Variants in ECE1 observed in about 807,000 individuals in gnomAD.
ECE1 encodes endothelin-converting enzyme 1.
A neutral mutation model predicts 98.6 loss-of-function variants in ECE1; 35 were observed. The observed-to-expected ratio is 0.35, with a 90% CI of 0.27 to 0.47. The LOEUF (loss-of-function observed/expected upper bound fraction) is 0.47. ECE1 is among the 20% of genes least tolerant of loss of function. The probability of loss-of-function intolerance (pLI) is 1.00; values close to 1 mark genes in which losing one functional copy is unlikely to be tolerated. For missense variants in ECE1, 814 were observed against 1,025.3 expected, an observed-to-expected ratio of 0.79 and a Z score of 2.81; for synonymous variants, 394 against 407.1, an observed-to-expected ratio of 0.97 and a Z score of 0.39.
At chr1:21,344,070 A>G (rs530261897) in intron 1 of ECE1, among the ~76,000 whole-genome samples, 1 of 152,254 alleles carries the variant, frequency 6.6e-6, no homozygotes, top group East Asian at 1.9e-4. Flanking sequence ...TCAGGTATAG[A>G]ACTAAGCCAT....
chr1:21,265,867 T>G (rs2098233228), intron 4 of ECE1, among the ~76,000 whole-genome samples: 1 of 152,198 alleles, frequency 6.6e-6, no homozygotes, highest in Admixed American at 6.5e-5. Flanking sequence ...GGACACATTT[T>G]GGAGACAGCA....
intron 7 of ECE1, 66 bp downstream of exon 7, chr1:21,257,459 G>A: frequency 1.9e-6 from 3 of 1,557,868 alleles, no homozygotes; most frequent in Non-Finnish European, 2.6e-6. Context: ...GCACAGGTGT[G>A]GGTGTGGACA....
intron 10 of ECE1, among the ~76,000 whole-genome samples, chr1:21,239,426 G>A (rs895904731): frequency 6.6e-6 from 1 of 152,194 alleles, no homozygotes; most frequent in South Asian, 2.1e-4. Context: ...AACCACCCAC[G>A]CTCAGGGCAG....
intron 8 of ECE1, 150 bp from the exon 9 acceptor site, chr1:21,247,513 C>T (rs965975894): frequency 5.0e-5 from 59 of 1,176,240 alleles, no homozygotes; most frequent in East Asian, 1.8e-4. Context: ...CGGAGCCTGG[C>T]GGGCTTTTGT....
chr1:21,227,197 A>T lies in ECE1; in HGVS notation c.1811T>A (p.Val604Asp). 1 of 1,614,140 alleles carries T rather than the reference A, an allele frequency of 6.2e-7. No homozygotes were observed. ...KALNFGGIGV[V>D]VGHELTHAFD... ...AGCATGAGTCAGCTCATGGCCCACG[A>T]CGACACCTATGCCACCAAAGTTTAA... The change falls in exon 16 of 19, where the codon GTC becomes GAC. Residue 604 changes from valine (V) to aspartate (D), a missense_variant. Val to Asp is a radical substitution (Grantham distance 152, BLOSUM62 -3). This residue lies in a region of ECE1 where 452 missense variants were observed against 567.3 expected (regional missense o/e 0.80). Coordinates refer to ENST00000374893, the MANE Select transcript of ECE1 (RefSeq NM_001397.3).
intron 16 of ECE1, among the ~76,000 whole-genome samples, chr1:21,226,036 G>A (rs985358491): frequency 6.6e-6 from 1 of 152,138 alleles, no homozygotes; most frequent in Admixed American, 6.6e-5. Flanking sequence ...CTGAGTAACA[G>A]ATGCCTAGGA....
rs186587260 is a variant in ECE1 at position 21,336,502 on chromosome 1, C to A, written c.3+8874G>T. Reference sequence around the variant, plus strand: ...CTGAGGTCAGGAGTTCGAGACCAGGCTGGCCAACATGGTGAAACCCCGTCT... The same window carrying A: ...CTGAGGTCAGGAGTTCGAGACCAGGATGGCCAACATGGTGAAACCCCGTCT... On this transcript the variant is annotated intron_variant, in intron 1 of 18. Transcript: ENST00000415912. 3.1e-3 allele frequency among the ~76,000 whole-genome samples: 475 copies of A among 152,292 alleles called. 3 individuals are homozygous for A. The highest frequency in any genetic ancestry group is 0.011 in the African/African-American group (458 of 41,562).
At chr1:21,335,125 C>T (rs1639280619) in intron 1 of ECE1, among the ~76,000 whole-genome samples, 1 of 152,254 alleles carries the variant, frequency 6.6e-6, no homozygotes, top group South Asian at 2.1e-4. Flanking sequence ...TCACCCCCTA[C>T]ATGTGCCAAA....
chr1:21,251,319 C>T (rs2098212546), intron 8 of ECE1, among the ~76,000 whole-genome samples: 1 of 152,088 alleles, frequency 6.6e-6, no homozygotes, highest in African/African-American at 2.4e-5. Flanking sequence ...TCAAGACCAG[C>T]CTGGCCAACA....
At position 21,322,913 on chromosome 1, in the gene ECE1, A is replaced by G. The variant is rs1368837456; in HGVS notation, c.3+22463T>C. Among the ~76,000 whole-genome samples the G allele has an allele frequency of 6.6e-6, 1 of 152,152 alleles. No homozygotes were observed. The highest frequency in any genetic ancestry group is 1.5e-5 in the Non-Finnish European group (1 of 68,018). Reference sequence around the variant, plus strand: ...CTCACTGGGGCTTTGGAGGGAGGGCAGGTCCCAGGGCTCAGGGGTTGGGGT... The same window carrying G: ...CTCACTGGGGCTTTGGAGGGAGGGCGGGTCCCAGGGCTCAGGGGTTGGGGT... On this transcript the variant is annotated intron_variant, in intron 1 of 18. Coordinates refer to the ECE1 transcript ENST00000415912. The surrounding 1 kb of genome is among the most constrained non-coding windows in gnomAD (Gnocchi z 4.1).
In ECE1 at chr1:21,340,942, C is replaced by CG. The variant is rs11411573; in HGVS notation, c.3+4433dup. Among the ~76,000 whole-genome samples, 105,498 of 151,944 alleles carry CG rather than the reference C, an allele frequency of 0.69. 38,059 individuals carry two copies. Among genetic ancestry groups the CG allele is most frequent in the African/African-American group, 0.9 (37,310 of 41,444 alleles). Reference sequence around the variant, plus strand: ...TATGACCATCCCTGAGTGCACCCTCCGGGCCACCTCCTAAGCACAGTCCTC... The same window carrying CG: ...TATGACCATCCCTGAGTGCACCCTCCGGGGCCACCTCCTAAGCACAGTCCTC... On this transcript the variant is annotated intron_variant, in intron 1 of 18. Transcript: ENST00000415912. The surrounding 1 kb of genome is among the most constrained non-coding windows in gnomAD (Gnocchi z 4.6).
At position 21,220,547 on chromosome 1, in the gene ECE1, C is replaced by T. The variant is rs1193421883; in HGVS notation, c.2137-416G>A. On this transcript the variant is annotated intron_variant, in intron 18 of 18. Transcript: ENST00000374893. This position sits in a 1 kb window ranked among gnomAD's most constrained non-coding sequence, Gnocchi z 5.0. Reference sequence around the variant, plus strand: ...TGGTGGCTCATACCTGTAATCCCAGCACTTTAAGAGGCCAAGGTGGCGGTG... The same window carrying T: ...TGGTGGCTCATACCTGTAATCCCAGTACTTTAAGAGGCCAAGGTGGCGGTG... 6.6e-6 allele frequency among the ~76,000 whole-genome samples: 1 copy of T among 152,086 alleles called. No individual in the cohort carries two copies. The highest frequency in any genetic ancestry group is 1.5e-5 in the Non-Finnish European group (1 of 68,028).
intron 1 of ECE1, among the ~76,000 whole-genome samples, chr1:21,334,559 G>A (rs1307200674): frequency 1.3e-5 from 2 of 152,186 alleles, no homozygotes; most frequent in East Asian, 1.9e-4. Context: ...GTGCGGAAGC[G>A]AGGGAGGCAG....
Position 21,340,567 on chromosome 1 carries a change from G to A in ECE1, c.3+4809C>T, listed in dbSNP as rs914436251. Reference sequence around the variant, plus strand: ...CTAAACTCCTCAGTAGGCTGGGTGCGGTGGCTCACACCTGTAATCCCAGCA... The same window carrying A: ...CTAAACTCCTCAGTAGGCTGGGTGCAGTGGCTCACACCTGTAATCCCAGCA... On this transcript the variant is annotated intron_variant, in intron 1 of 18. Transcript: ENST00000415912. The surrounding 1 kb of genome is among the most constrained non-coding windows in gnomAD (Gnocchi z 4.6). Among the ~76,000 whole-genome samples, 21 of 152,306 alleles carry A rather than the reference G, an allele frequency of 1.4e-4. No homozygotes were observed. The highest frequency in any genetic ancestry group is 4.8e-4 in the African/African-American group (20 of 41,570).
chr1:21,224,048 T>C (rs1234374845), intron 17 of ECE1, among the ~76,000 whole-genome samples: 1 of 152,194 alleles, frequency 6.6e-6, no homozygotes, highest in Non-Finnish European at 1.5e-5. Context: ...CCGCATTCCC[T>C]ACACTCTGCC....
At chr1:21,311,740 T>G (rs1481603369) in intron 1 of ECE1, among the ~76,000 whole-genome samples, 1 of 150,488 alleles carries the variant, frequency 6.6e-6, no homozygotes, top group Non-Finnish European at 1.5e-5. Flanking sequence ...GCTTGAGCCC[T>G]AGGAGGTTGA....
At chr1:21,264,933 T>G (rs1232790019) in intron 4 of ECE1, among the ~76,000 whole-genome samples, 1 of 152,196 alleles carries the variant, frequency 6.6e-6, no homozygotes, top group African/African-American at 2.4e-5. Flanking sequence ...CAGACATCCC[T>G]TCTGAGAAAG....
chr1:21,289,991 G>A, intron 2 of ECE1, 79 bp downstream of exon 2: 1 of 1,267,784 alleles, frequency 7.9e-7, no homozygotes. Flanking sequence ...GGTAGGTAGG[G>A]GCGGGGGGCG....
At chr1:21,241,155 G>A (rs1215941738) in intron 10 of ECE1, among the ~76,000 whole-genome samples, 1 of 152,174 alleles carries the variant, frequency 6.6e-6, no homozygotes, top group Non-Finnish European at 1.5e-5. Flanking sequence ...TCCTGCCTCA[G>A]CCTCCCGAGT....
Sources: allele counts gnomAD v4.1 joint callset (sites outside exome capture counted in the v4.1 genomes callset), GRCh38; gene constraint gnomAD v4.1.1; regional missense constraint gnomAD v4.1.1; non-coding constraint Gnocchi (gnomAD v3.1); transcripts MANE v1.5; gene names NCBI Gene and HGNC (gene_info 2026-07-23, HGNC 2026-07-21).